The following DYNC2H1 variants were observed in gnomAD, a reference collection of about 807,000 sequenced individuals.
DYNC2H1 encodes cytoplasmic dynein 2 heavy chain 1.
A neutral mutation model predicts 570.0 loss-of-function variants in DYNC2H1; 410 were observed. The ratio of observed to expected loss-of-function variants is 0.72; its 90% CI spans 0.66 to 0.78. DYNC2H1 has a LOEUF of 0.78. Among genes scored for constraint, DYNC2H1 ranks in the 30% least tolerant of loss-of-function variants. The pLI, the probability that DYNC2H1 is intolerant of heterozygous loss-of-function variation, is 0.00. For synonymous variants in DYNC2H1, 1,688 were observed against 1,677.6 expected (o/e 1.01, Z -0.15); for missense variants, 4,865 against 5,046.4 (o/e 0.96, Z 1.09).
At chr11:103,354,501 T>A (rs148931680) in intron 82 of DYNC2H1, among the ~76,000 whole-genome samples, 1 of 152,234 alleles carries the variant, frequency 6.6e-6, no homozygotes, top group East Asian at 1.9e-4. Context: ...GGGATCATAC[T>A]TCAATAGATT....
intron 87 of DYNC2H1, among the ~76,000 whole-genome samples, chr11:103,463,048 A>C (rs313863): frequency 4.3e-4 from 66 of 152,306 alleles, no homozygotes; most frequent in African/African-American, 1.5e-3. Context: ...AGTTAAATGG[A>C]CCTAACACAT....
Position 103,109,551 on chromosome 11 carries a change from A to T in DYNC2H1, c.-24A>T. 6.2e-7 allele frequency: 1 copy of T among 1,605,482 alleles called. No individual in the cohort carries two copies. Among genetic ancestry groups the T allele is most frequent in the Non-Finnish European group, 8.5e-7 (1 of 1,174,594 alleles). The stretch of plus-strand genomic sequence containing the variant: ...TTTCTTCTTCCTTCCCCCTTCCCCC[A>T]ACTTCCCTCCACCCCTTCCAATCAT... On this transcript the variant is annotated 5_prime_UTR_variant, in exon 1 of 89. Transcript: ENST00000375735.
intron 70 of DYNC2H1, among the ~76,000 whole-genome samples, chr11:103,265,978 C>T (rs961574798): frequency 6.7e-6 from 1 of 148,824 alleles, no homozygotes; most frequent in African/African-American, 2.5e-5. Context: ...TGTGCCCTAA[C>T]TCTGGGGGAC....
At chr11:103,114,748 T>G (rs1349008727) in intron 3 of DYNC2H1, among the ~76,000 whole-genome samples, 1 of 152,232 alleles carries the variant, frequency 6.6e-6, no homozygotes, top group Admixed American at 6.5e-5. Flanking sequence ...ATTATTTTTT[T>G]TCTGTTTAAA....
intron 75 of DYNC2H1, among the ~76,000 whole-genome samples, chr11:103,288,962 G>T (rs1866476968): frequency 6.6e-6 from 1 of 151,614 alleles, no homozygotes; most frequent in Non-Finnish European, 1.5e-5. Context: ...TCTTCAAATG[G>T]CTCCTGGGGA....
chr11:103,281,458 T>G (rs935529305), intron 71 of DYNC2H1, among the ~76,000 whole-genome samples: 1 of 152,080 alleles, frequency 6.6e-6, no homozygotes, highest in African/African-American at 2.4e-5. Context: ...TAATCATTCA[T>G]ATTTTACTTA....
chr11:103,445,309 A>G (rs1447513541), intron 85 of DYNC2H1, among the ~76,000 whole-genome samples: 1 of 152,158 alleles, frequency 6.6e-6, no homozygotes, highest in African/African-American at 2.4e-5. Flanking sequence ...GTATAGACCT[A>G]TATTTGCTAT....
At chr11:103,237,610 A>G (rs562130422) in intron 63 of DYNC2H1, among the ~76,000 whole-genome samples, 1 of 152,124 alleles carries the variant, frequency 6.6e-6, no homozygotes, top group African/African-American at 2.4e-5. Flanking sequence ...CTAAATGCTT[A>G]TGTAAATAAA....
At chr11:103,367,547 G>T (rs1297564392) in intron 83 of DYNC2H1, among the ~76,000 whole-genome samples, 2 of 152,036 alleles carry the variant, frequency 1.3e-5, no homozygotes, top group South Asian at 2.1e-4. Context: ...TCAAATTACG[G>T]TATTTAGCGT....
chr11:103,383,739 G>T (rs1941762985), intron 83 of DYNC2H1, among the ~76,000 whole-genome samples: 1 of 152,042 alleles, frequency 6.6e-6, no homozygotes, highest in South Asian at 2.1e-4. Context: ...CTCCCAAAGT[G>T]CTGGGATTAC....
rs777063395 is a variant in DYNC2H1, at chr11:103,456,309, G to A, written c.12601G>A (p.Val4201Ile). 1.2e-6 allele frequency: 2 copies of A among 1,609,132 alleles called. No individual in the cohort carries two copies. The highest frequency in any genetic ancestry group is 2.7e-5 in the African/African-American group (2 of 74,842). ...VGRSVDSLKF[V>I]ASWKGRLQEA... The stretch of plus-strand genomic sequence containing the variant: ...TCGTTCTGTGGATAGCCTTAAATTT[G>A]TAGCCTCATGGAAAGGTCGACTGCA... The change falls in exon 87 of 89, where the codon GTA (valine) becomes ATA (isoleucine). Residue 4201 changes from valine (V) to isoleucine (I), a missense_variant. Physicochemically the swap from Val to Ile is conservative, Grantham distance 29. Transcript: ENST00000375735.
intron 86 of DYNC2H1, among the ~76,000 whole-genome samples, chr11:103,455,711 A>AT (rs1415395484): frequency 6.6e-6 from 1 of 152,066 alleles, no homozygotes; most frequent in Non-Finnish European, 1.5e-5. Flanking sequence ...GCATGAAAAT[A>AT]TTTTTATCTT....
At chr11:103,307,695 T>C (rs1867360124) in intron 77 of DYNC2H1, 26 bp from the exon 78 acceptor site, 1 of 1,315,552 alleles carries the variant, frequency 7.6e-7, no homozygotes, top group African/African-American at 1.5e-5. Flanking sequence ...TTTAAGTAAA[T>C]TTTTGTCATT....
chr11:103,404,027 TGTGA>T (rs986656044), intron 84 of DYNC2H1: 7 of 151,924 alleles, frequency 4.6e-5, no homozygotes, highest in Non-Finnish European at 1.0e-4. Flanking sequence ...ATTAATTTGT[TGTGA>T]GTATTAGGGA....
intron 82 of DYNC2H1, among the ~76,000 whole-genome samples, chr11:103,341,036 T>A (rs1002914554): frequency 6.6e-6 from 1 of 152,112 alleles, no homozygotes; most frequent in African/African-American, 2.4e-5. Context: ...TGGTGGAACC[T>A]TTTTTTAAAG....
intron 75 of DYNC2H1, among the ~76,000 whole-genome samples, chr11:103,302,485 G>T (rs145770019): frequency 1.8e-4 from 28 of 152,124 alleles, no homozygotes; most frequent in Non-Finnish European, 2.6e-4. Context: ...GAGTCATTTG[G>T]CTAACAAATA....
chr11:103,187,498 G>A lies in DYNC2H1; in HGVS notation c.7052G>A (p.Cys2351Tyr), dbSNP rs1862121429. Residue 2351 changes from cysteine (C) to tyrosine (Y), a missense_variant, in exon 43 of 89, where the codon TGT (cysteine) becomes TAT (tyrosine). Physicochemically the swap from Cys to Tyr is radical, Grantham distance 194. Coordinates refer to ENST00000375735, the MANE Select transcript of DYNC2H1 (RefSeq NM_001377.3). ...NTGRVYRPKD[C>Y]ERLVLYLKDI... is the part of the protein sequence containing the mutation. ...GGTCGTGTATACAGACCAAAAGACT[G>A]TGAAAGACTTGTTCTGTACTTAAAA... 6.2e-7 allele frequency: 1 copy of A among 1,613,274 alleles called. No homozygotes were observed. The highest frequency in any genetic ancestry group is 8.5e-7 in the Non-Finnish European group (1 of 1,179,506).
intron 82 of DYNC2H1, among the ~76,000 whole-genome samples, chr11:103,343,687 T>C (rs1305964136): frequency 2.0e-5 from 3 of 152,112 alleles, no homozygotes; most frequent in Non-Finnish European, 4.4e-5. Context: ...ACTGCATTCC[T>C]GTCTGGGCAA....
chr11:103,370,020 C>T (rs1425944299), intron 83 of DYNC2H1, among the ~76,000 whole-genome samples: 2 of 152,208 alleles, frequency 1.3e-5, no homozygotes, highest in African/African-American at 4.8e-5. Flanking sequence ...GCTCTTGGAG[C>T]CCCAATTTCA....
Sources: allele counts gnomAD v4.1 joint callset (sites outside exome capture counted in the v4.1 genomes callset), GRCh38; gene constraint gnomAD v4.1.1; transcripts MANE v1.5; gene names NCBI Gene and HGNC (gene_info 2026-07-23, HGNC 2026-07-21).